The following HACL1 variants were observed in gnomAD, a reference collection of about 807,000 sequenced individuals.
HACL1 encodes 2-hydroxyacyl-CoA lyase 1, also known as 1600020H07Rik.
HACL1 carries 64 observed loss-of-function variants against 74.2 expected under a neutral mutation model. The observed-to-expected ratio is 0.86, with a 90% confidence interval of 0.70 to 1.06. The LOEUF (loss-of-function observed/expected upper bound fraction) is 1.06, where lower values mean the gene tolerates loss of function less well. Ranked by LOEUF, HACL1 falls within the 50% of genes least tolerant of loss-of-function variation. HACL1 has a pLI of 0.00. For synonymous variants in HACL1, 230 were observed against 238.8 expected (o/e 0.96, Z 0.34); for missense variants, 728 against 719.7 (o/e 1.01, Z -0.13).
chr3:15,591,213 C>G (rs1218718272), intron 4 of HACL1, among the ~76,000 whole-genome samples: 1 of 152,090 alleles, frequency 6.6e-6, no homozygotes, highest in Non-Finnish European at 1.5e-5. Context: ...GAAATGATTA[C>G]TACAGTCAAG....
intron 7 of HACL1, 112 bp downstream of exon 7, chr3:15,585,136 T>A: frequency 3.4e-6 from 2 of 584,790 alleles, no homozygotes; most frequent in South Asian, 4.8e-5. Flanking sequence ...ATAATCAAGT[T>A]AAGACAAATG....
intron 12 of HACL1, 71 bp from the exon 13 acceptor site, chr3:15,568,657 C>CATCT: frequency 1.2e-6 from 1 of 863,470 alleles, no homozygotes; most frequent in Non-Finnish European, 1.8e-6. Flanking sequence ...TAATAAGATG[C>CATCT]TATCAAACTT....
intron 8 of HACL1, among the ~76,000 whole-genome samples, chr3:15,581,841 G>A (rs2063720205): frequency 6.6e-6 from 1 of 152,134 alleles, no homozygotes; most frequent in Non-Finnish European, 1.5e-5. Context: ...TGTAATCCCT[G>A]CCTTATCATA....
chr3:15,588,784 A>G (rs898446858), intron 5 of HACL1, among the ~76,000 whole-genome samples: 1 of 146,980 alleles, frequency 6.8e-6, no homozygotes, highest in African/African-American at 2.4e-5. Flanking sequence ...TTGTTGACAT[A>G]TTCTTTCAAG....
At position 15,586,622 on chromosome 3, in the gene HACL1, C is replaced by G; in HGVS notation, c.382-20G>C. 7.1e-7 allele frequency: 1 copy of G among 1,407,956 alleles called. No individual in the cohort carries two copies. Among genetic ancestry groups the G allele is most frequent in the Non-Finnish European group, 1.0e-6 (1 of 997,040 alleles). 87.2% of individuals were successfully genotyped at this position (1,407,956 alleles called of 1,614,324 possible). A position where few individuals can be genotyped will look rare whatever the true frequency, so the allele number is the denominator to read the frequency against. On this transcript the variant is annotated intron_variant, in intron 5 of 16. Transcript: ENST00000321169. ...TTCAACCTACATGGAAAATGAAAATCACTTAAAATTCAGCTCACAATCATG... is the reference window on the plus strand; with the variant it reads ...TTCAACCTACATGGAAAATGAAAATGACTTAAAATTCAGCTCACAATCATG...
At chr3:15,576,694 T>C (rs2063632628) in intron 9 of HACL1, among the ~76,000 whole-genome samples, 1 of 152,166 alleles carries the variant, frequency 6.6e-6, no homozygotes, top group Non-Finnish European at 1.5e-5. Context: ...GCTGTGGGTT[T>C]TGTTTTGTTT....
intron 9 of HACL1, among the ~76,000 whole-genome samples, chr3:15,577,565 T>A (rs569046561): frequency 6.7e-6 from 1 of 149,504 alleles, no homozygotes; most frequent in East Asian, 2.0e-4. Context: ...CCTAGAAGGG[T>A]GGATTCCTTG....
chr3:15,600,914 T>C (rs985221928), intron 2 of HACL1, 176 bp downstream of exon 2: 27 of 623,302 alleles, frequency 4.3e-5, no homozygotes, highest in African/African-American at 7.3e-5. Flanking sequence ...ACTTAACCTG[T>C]GTCTTTTCTC....
Position 15,582,919 on chromosome 3 carries a change from C to G in HACL1, c.625G>C (p.Val209Leu), listed in dbSNP as rs1382327916. ...AGGGGTTGTTTGGCATTCCTAATAA[C>G]AGAAGCCGCCGTGCACACAGCAGAG... The part of the protein sequence containing the change: ...ETSAVCTAAS[V>L]IRNAKQPLLI... Residue 209 changes from valine (V) to leucine (L), a missense_variant, in exon 8 of 17, where the codon GTT becomes CTT. Transcript: ENST00000321169. 11 of 1,611,292 alleles carry G rather than the reference C, an allele frequency of 6.8e-6. No individual in the cohort carries two copies. Among genetic ancestry groups the G allele is most frequent in the Non-Finnish European group, 9.3e-6 (11 of 1,177,636 alleles).
Position 15,563,537 on chromosome 3 carries a change from G to A in HACL1, c.1525C>T (p.Pro509Ser). 1 of 1,599,256 alleles carries A rather than the reference G, an allele frequency of 6.3e-7. No individual in the cohort carries two copies. Among genetic ancestry groups the A allele is most frequent in the South Asian group, 1.1e-5 (1 of 90,098 alleles). ...KFQDATAVVPPMCLLPNSHYE... is the reference protein window; with the variant it reads ...KFQDATAVVPSMCLLPNSHYE... ...TGTGAATTTGGCAGCAAACACATTGGAGGGACCCTGAAAAACAAGGTCATG... is the reference window on the plus strand; with the variant it reads ...TGTGAATTTGGCAGCAAACACATTGAAGGGACCCTGAAAAACAAGGTCATG... Residue 509 changes from proline (P) to serine (S), a missense_variant, in exon 16 of 17, where the codon CCA (proline) becomes TCA (serine). Coordinates refer to ENST00000321169, the MANE Select transcript of HACL1 (RefSeq NM_012260.4).
intron 2 of HACL1, among the ~76,000 whole-genome samples, chr3:15,597,982 G>C (rs2064099978): frequency 6.6e-6 from 1 of 151,900 alleles, no homozygotes; most frequent in Admixed American, 6.6e-5. Context: ...CAAAAGTTGA[G>C]AGGTAACTGT....
chr3:15,574,051 G>A (rs894625680), intron 10 of HACL1, among the ~76,000 whole-genome samples: 1 of 152,154 alleles, frequency 6.6e-6, no homozygotes, highest in Non-Finnish European at 1.5e-5. Context: ...CTGGGAAAAG[G>A]GCAACTGTAG....
chr3:15,575,175 T>G (rs969400611), intron 9 of HACL1, 93 bp from the exon 10 acceptor site: 1 of 669,528 alleles, frequency 1.5e-6, no homozygotes, highest in Non-Finnish European at 2.7e-6. Context: ...TCTAAATCAT[T>G]TGGAGCTTAC....
intron 3 of HACL1, among the ~76,000 whole-genome samples, chr3:15,592,463 CAT>C (rs1491299005): frequency 1.1e-4 from 9 of 78,300 alleles, no homozygotes; most frequent in Admixed American, 5.5e-4. Context: ...CACACGTATA[CAT>C]ACACACACGT....
intron 3 of HACL1, among the ~76,000 whole-genome samples, chr3:15,593,346 C>T (rs1364542748): frequency 1.5e-4 from 23 of 151,594 alleles, no homozygotes; most frequent in African/African-American, 4.8e-4. Context: ...CCCAAGTAAC[C>T]GGGACTACAG....
chr3:15,585,705 T>C (rs1311752626), intron 6 of HACL1, among the ~76,000 whole-genome samples: 1 of 152,220 alleles, frequency 6.6e-6, no homozygotes, highest in Non-Finnish European at 1.5e-5. Context: ...ACTGTGATGC[T>C]GTTACACGTA....
chr3:15,570,996 G>A (rs961530506), intron 12 of HACL1, among the ~76,000 whole-genome samples: 1 of 150,926 alleles, frequency 6.6e-6, no homozygotes, highest in Non-Finnish European at 1.5e-5. Context: ...TTTTCTTTTA[G>A]AGACAGGTTC....
chr3:15,564,638 A>G lies in HACL1; in HGVS notation c.1430T>C (p.Leu477Pro). The change falls in exon 15 of 17, where the codon CTG (leucine) becomes CCG (proline). Residue 477 changes from leucine to proline, a missense_variant. Transcript: ENST00000321169. ...TICRYNLPII[L>P]LVVNNNGIYQ... Reference sequence around the variant, plus strand: ...AATTCCATTGTTATTCACTACCAACAGTATGATTGGCAAGTTGTACCTAAA... The same window carrying G: ...AATTCCATTGTTATTCACTACCAACGGTATGATTGGCAAGTTGTACCTAAA... The G allele has an allele frequency of 6.6e-7, 1 of 1,507,938 alleles. No homozygotes were observed. Among genetic ancestry groups the G allele is most frequent in the South Asian group, 1.2e-5 (1 of 86,800 alleles). The allele number at this position is 1,507,938 out of a possible 1,614,324, so 93.4% of individuals were successfully genotyped here.
intron 4 of HACL1, among the ~76,000 whole-genome samples, chr3:15,590,043 A>T (rs1019261803): frequency 6.6e-6 from 1 of 152,102 alleles, no homozygotes; most frequent in African/African-American, 2.4e-5. Context: ...TCAAAAAAAA[A>T]GAAAGAAATT....
Sources: allele counts gnomAD v4.1 joint callset (sites outside exome capture counted in the v4.1 genomes callset), GRCh38; gene constraint gnomAD v4.1.1; transcripts MANE v1.5; gene names NCBI Gene and HGNC (gene_info 2026-07-23, HGNC 2026-07-21).